The following CTBP2 variants were observed in gnomAD, a reference collection of about 807,000 sequenced individuals.
CTBP2 encodes the protein C-terminal binding protein 2.
In CTBP2, 30 loss-of-function variants were observed where a neutral mutation model predicts 80.3. The ratio of observed to expected loss-of-function variants is 0.37; its 90% CI spans 0.28 to 0.51. CTBP2 has a LOEUF of 0.51. Ranked by LOEUF, CTBP2 falls within the 20% of genes least tolerant of loss-of-function variation. CTBP2 has a pLI of 0.93. For synonymous variants in CTBP2, 594 were observed against 587.4 expected, an observed-to-expected ratio of 1.01 and a Z score of -0.16; for missense variants, 1,212 against 1,375.3, an observed-to-expected ratio of 0.88 and a Z score of 1.88.
At chr10:125,042,295 C>T (rs1960068826) in intron 2 of CTBP2, among the ~76,000 whole-genome samples, 1 of 152,230 alleles carries the variant, frequency 6.6e-6, no homozygotes, top group Admixed American at 6.5e-5. Flanking sequence ...CTGAGCTGCA[C>T]ACAGCGGCCT....
In CTBP2 at chr10:124,989,280, TAA is replaced by T; in HGVS notation, c.*236_*237del. The T allele has an allele frequency of 3.7e-6, 2 of 542,666 alleles. No individual in the cohort carries two copies. Among genetic ancestry groups the T allele is most frequent in the Non-Finnish European group, 6.6e-6 (2 of 303,056 alleles). The allele number at this position is 542,666 out of a possible 1,614,324, so 33.6% of individuals were successfully genotyped here. Reference sequence around the variant, plus strand: ...TGATTTGATGCACAGATGAAAAACTTAACACACAATAACAGAAGTTGGTCGTT... The same window carrying T: ...TGATTTGATGCACAGATGAAAAACTTCACACAATAACAGAAGTTGGTCGTT... On this transcript the variant is annotated 3_prime_UTR_variant, in exon 9 of 9. Coordinates refer to ENST00000309035, the MANE Select transcript of CTBP2 (RefSeq NM_022802.3).
intron 2 of CTBP2, among the ~76,000 whole-genome samples, chr10:125,108,863 G>C (rs903921242): frequency 6.6e-6 from 1 of 152,238 alleles, no homozygotes; most frequent in Non-Finnish European, 1.5e-5. Context: ...CTCTTCCAAA[G>C]TGCTATAAAA....
At chr10:125,127,116 T>G (rs973097369) in intron 1 of CTBP2, among the ~76,000 whole-genome samples, 3 of 152,206 alleles carry the variant, frequency 2.0e-5, no homozygotes, top group African/African-American at 7.2e-5. Context: ...GGATGGCAAC[T>G]CTGCCTCAGC....
intron 2 of CTBP2, among the ~76,000 whole-genome samples, chr10:125,079,157 A>G (rs1275609684): frequency 4.0e-5 from 6 of 151,110 alleles, no homozygotes; most frequent in Middle Eastern, 3.4e-3. Context: ...GAGGAAAAAA[A>G]AAAAAAAAAA....
intron 1 of CTBP2, chr10:125,005,639 C>T (rs752966753): frequency 6.2e-6 from 10 of 1,612,954 alleles, no homozygotes; most frequent in South Asian, 4.4e-5. Flanking sequence ...AGCACCGTCA[C>T]CTGACGAGGA....
intron 2 of CTBP2, among the ~76,000 whole-genome samples, chr10:125,069,890 C>A (rs188880048): frequency 1.4e-4 from 18 of 128,426 alleles, no homozygotes; most frequent in Non-Finnish European, 2.5e-4. Flanking sequence ...GCCCCCCTCC[C>A]CCCCCCACAC....
intron 1 of CTBP2, among the ~76,000 whole-genome samples, chr10:125,011,146 C>T (rs1055147321): frequency 6.6e-6 from 1 of 152,242 alleles, no homozygotes; most frequent in South Asian, 2.1e-4. Flanking sequence ...GGGTGCCCCA[C>T]ACCAAGTGGG....
intron 3 of CTBP2, 59 bp downstream of exon 5, chr10:125,002,901 C>A (rs1954722777): frequency 1.9e-6 from 3 of 1,591,086 alleles, no homozygotes; most frequent in African/African-American, 1.3e-5. Flanking sequence ...CAAGCCCACC[C>A]GAGCAGGGCC....
At chr10:125,111,707 C>G (rs1852319251) in intron 1 of CTBP2, among the ~76,000 whole-genome samples, 1 of 152,138 alleles carries the variant, frequency 6.6e-6, no homozygotes, top group Admixed American at 6.5e-5. Flanking sequence ...AACAGAACTC[C>G]CATTTATTTT....
Position 125,146,334 on chromosome 10 carries a change from G to A in CTBP2, c.-206+13985C>T, listed in dbSNP as rs138675096. 6.6e-3 allele frequency among the ~76,000 whole-genome samples: 1,002 copies of A among 151,544 alleles called. 13 individuals are homozygous for A. Among genetic ancestry groups the A allele is most frequent in the African/African-American group, 0.022 (916 of 41,268 alleles). ...CTTGCTCTGTTGCCCAGGCTGGAGT[G>A]CAATGGCACGATCTTGGCTTACTGC... On this transcript the variant is annotated intron_variant, in intron 1 of 10. Coordinates refer to the CTBP2 transcript ENST00000337195.
intron 1 of CTBP2, among the ~76,000 whole-genome samples, chr10:125,147,810 T>C (rs912283886): frequency 6.6e-6 from 1 of 151,994 alleles, no homozygotes; most frequent in Non-Finnish European, 1.5e-5. Flanking sequence ...GATGGGAAAA[T>C]TGCTTGAACC....
intron 7 of CTBP2, 89 bp downstream of exon 9, chr10:124,993,113 G>C (rs545718731): frequency 1.1e-5 from 16 of 1,485,734 alleles, no homozygotes; most frequent in African/African-American, 1.4e-5. Context: ...TCTACCTGTC[G>C]AGAGCTGCCT....
intron 1 of CTBP2, among the ~76,000 whole-genome samples, chr10:125,015,853 G>A (rs1019428971): frequency 2.6e-5 from 4 of 152,208 alleles, no homozygotes; most frequent in Non-Finnish European, 5.9e-5. Flanking sequence ...ACACTCACTC[G>A]CCGGCCGCAC....
chr10:125,072,350 C>A (rs1179566340), intron 2 of CTBP2, among the ~76,000 whole-genome samples: 1 of 151,988 alleles, frequency 6.6e-6, no homozygotes, highest in African/African-American at 2.4e-5. Context: ...TGCAGTGACT[C>A]ACGTCTGTAA....
intron 3 of CTBP2, chr10:125,001,255 C>A (rs924238913): frequency 6.6e-6 from 1 of 152,258 alleles, no homozygotes; most frequent in Non-Finnish European, 1.5e-5. Context: ...GGGTCAGCAC[C>A]CGTATGGGCC....
At chr10:125,043,951 C>G (rs1960549156) in intron 2 of CTBP2, among the ~76,000 whole-genome samples, 1 of 152,216 alleles carries the variant, frequency 6.6e-6, no homozygotes, top group African/African-American at 2.4e-5. Flanking sequence ...AATATGCTCA[C>G]AAATTAATAT....
intron 1 of CTBP2, among the ~76,000 whole-genome samples, chr10:125,143,669 C>T (rs1858241340): frequency 6.6e-6 from 1 of 152,194 alleles, no homozygotes; most frequent in Non-Finnish European, 1.5e-5. Context: ...AACATAATTA[C>T]ACTGCCTAAA....
At chr10:125,127,542 T>TTGA (rs1217920984) in intron 1 of CTBP2, among the ~76,000 whole-genome samples, 3 of 152,216 alleles carry the variant, frequency 2.0e-5, no homozygotes, top group African/African-American at 7.2e-5. Context: ...TATTGTAAAT[T>TTGA]TGATCCTAAA....
At chr10:125,085,945 G>T (rs1056130922) in intron 2 of CTBP2, among the ~76,000 whole-genome samples, 1 of 152,202 alleles carries the variant, frequency 6.6e-6, no homozygotes, top group African/African-American at 2.4e-5. Context: ...AACCGCACTG[G>T]CTCCTGCCCT....
Sources: allele counts gnomAD v4.1 joint callset (sites outside exome capture counted in the v4.1 genomes callset), GRCh38; gene constraint gnomAD v4.1.1; transcripts MANE v1.5; gene names NCBI Gene and HGNC (gene_info 2026-07-23, HGNC 2026-07-21).